The following KCNN2 variants were observed in gnomAD, a reference collection of about 807,000 sequenced individuals.
KCNN2 encodes the protein potassium calcium-activated channel subfamily N member 2.
A neutral mutation model predicts 55.5 loss-of-function variants in KCNN2; 24 were observed. The ratio of observed to expected loss-of-function variants is 0.43; its 90% confidence interval spans 0.31 to 0.61. The LOEUF (loss-of-function observed/expected upper bound fraction) is 0.61, where lower values mean the gene tolerates loss of function less well. Ranked by LOEUF, KCNN2 falls within the 20% of genes least tolerant of loss-of-function variation. KCNN2 has a pLI of 0.08. For synonymous variants in KCNN2, 431 were observed against 336.1 expected (o/e 1.28, Z -3.09); for missense variants, 754 against 853.6 (o/e 0.88, Z 1.45).
rs199676003 is a variant in KCNN2 at position 114,378,011 on chromosome 5, G to A, written c.1218+14010G>A. Among the ~76,000 whole-genome samples, 2 of 152,098 alleles carry A rather than the reference G, an allele frequency of 1.3e-5. 1 individual carries two copies. Among genetic ancestry groups the A allele is most frequent in the East Asian group, 3.9e-4 (2 of 5,182 alleles). On this transcript the variant is annotated intron_variant, in intron 2 of 7. Transcript: ENST00000673685. ...CTAGGAGTATCTCAAGGTGGGAAGGGGGAAAGGCAATAATGCACCCATGTG... is the reference window on the plus strand; with the variant it reads ...CTAGGAGTATCTCAAGGTGGGAAGGAGGAAAGGCAATAATGCACCCATGTG...
chr5:114,382,739 A>G, intron 2 of KCNN2, among the ~76,000 whole-genome samples: 1 of 152,162 alleles, frequency 6.6e-6, no homozygotes, highest in East Asian at 1.9e-4. Context: ...CTTTCTACCA[A>G]AAAACAAATG....
At chr5:114,495,404 T>TC (rs1323968609) in intron 7 of KCNN2, among the ~76,000 whole-genome samples, 1 of 152,210 alleles carries the variant, frequency 6.6e-6, no homozygotes, top group Non-Finnish European at 1.5e-5. Context: ...ATCCTAAACT[T>TC]CATTTATATT....
At chr5:114,373,856 C>T (rs1225186719) in intron 2 of KCNN2, among the ~76,000 whole-genome samples, 1 of 149,296 alleles carries the variant, frequency 6.7e-6, no homozygotes, top group South Asian at 2.1e-4. Context: ...AGTGGCCATT[C>T]AAGCAGTCTT....
chr5:114,463,351 T>G (rs1430217190), intron 4 of KCNN2, among the ~76,000 whole-genome samples, 161 bp downstream of exon 4: 1 of 152,260 alleles, frequency 6.6e-6, no homozygotes, highest in Non-Finnish European at 1.5e-5. Flanking sequence ...GTCAACAGTT[T>G]TCCTCTTAAT....
chr5:114,266,784 G>C (rs1755214941), intron 2 of KCNN2, among the ~76,000 whole-genome samples: 1 of 152,104 alleles, frequency 6.6e-6, no homozygotes, highest in Non-Finnish European at 1.5e-5. Flanking sequence ...TTTAGCTAAT[G>C]TCCCCATCAA....
At position 114,312,534 on chromosome 5, in the gene KCNN2, T is replaced by A. The variant is rs1756427110; in HGVS notation, c.-184-48411T>A. Among the ~76,000 whole-genome samples, 4 of 146,214 alleles carry A rather than the reference T, an allele frequency of 2.7e-5. No individual in the cohort carries two copies. The Admixed American group carries it at 2.8e-4, about 10-fold the overall frequency. On this transcript the variant is annotated intron_variant, in intron 2 of 10. Coordinates refer to the KCNN2 transcript ENST00000512097. ...ACCCCCATATGGTCAAGAACCCAAG[T>A]GTTGCCCTTTTCCAGAACAGTTTAC...
At chr5:114,177,939 C>G (rs1028909740) in intron 1 of KCNN2, among the ~76,000 whole-genome samples, 6 of 152,094 alleles carry the variant, frequency 3.9e-5, no homozygotes, top group African/African-American at 1.4e-4. Flanking sequence ...TATGTTAAGA[C>G]CCAAATTCAG....
intron 3 of KCNN2, among the ~76,000 whole-genome samples, chr5:114,450,494 C>G (rs1403547277): frequency 2.0e-5 from 3 of 152,166 alleles, no homozygotes; most frequent in Non-Finnish European, 4.4e-5. Flanking sequence ...AAATGCTAGT[C>G]CTGGTTAAAA....
intron 1 of KCNN2, among the ~76,000 whole-genome samples, chr5:114,111,406 AG>A (rs1330849911): frequency 6.6e-6 from 1 of 152,230 alleles, no homozygotes; most frequent in Non-Finnish European, 1.5e-5. Context: ...AATCCCATTC[AG>A]GACACAGGCA....
At chr5:114,201,282 T>C (rs4131321) in intron 1 of KCNN2, among the ~76,000 whole-genome samples, 1 of 151,724 alleles carries the variant, frequency 6.6e-6, no homozygotes. Flanking sequence ...ACTAATAATA[T>C]GTGGGTTATT....
chr5:114,452,889 CT>C lies in KCNN2; in HGVS notation c.1638-10158del, dbSNP rs749159103. On this transcript the variant is annotated intron_variant, in intron 3 of 7. Transcript: ENST00000673685. ...TACCTTCTTTGAATTTCTTTTTATG[CT>C]TATATGTTCTAATTAATTGAAGCAG... Among the ~76,000 whole-genome samples, 8 of 152,118 alleles carry C rather than the reference CT, an allele frequency of 5.3e-5. No homozygotes were observed. In the East Asian group the frequency reaches 5.8e-4, roughly 11 times the overall value.
intron 3 of KCNN2, among the ~76,000 whole-genome samples, chr5:114,445,220 A>G (rs375138331): frequency 1.3e-5 from 2 of 152,300 alleles, no homozygotes; most frequent in Admixed American, 1.3e-4. Context: ...ATTTCAGGAT[A>G]AGCACCTTTT....
chr5:114,094,113 G>T (rs1214012024), intron 1 of KCNN2, among the ~76,000 whole-genome samples: 2 of 151,888 alleles, frequency 1.3e-5, no homozygotes, highest in African/African-American at 4.8e-5. Flanking sequence ...TTTTTGTTTT[G>T]CCTTATTTAT....
At chr5:114,189,482 CA>C (rs1344957360) in intron 1 of KCNN2, among the ~76,000 whole-genome samples, 1 of 152,100 alleles carries the variant, frequency 6.6e-6, no homozygotes, top group Non-Finnish European at 1.5e-5. Context: ...TGATCTTGTC[CA>C]AAAACAGCTT....
chr5:114,254,162 G>A (rs1364218722), intron 2 of KCNN2, among the ~76,000 whole-genome samples: 2 of 152,062 alleles, frequency 1.3e-5, no homozygotes, highest in Non-Finnish European at 2.9e-5. Context: ...ATATTGCAAT[G>A]TTTTGCTGTA....
chr5:114,305,426 T>C (rs1032713985), intron 2 of KCNN2, among the ~76,000 whole-genome samples: 16 of 152,270 alleles, frequency 1.1e-4, no homozygotes, highest in African/African-American at 3.8e-4. Flanking sequence ...TTCCTTGGGA[T>C]GTATGTTATC....
chr5:114,203,992 A>C (rs1030026065), intron 1 of KCNN2, among the ~76,000 whole-genome samples: 1 of 152,226 alleles, frequency 6.6e-6, no homozygotes, highest in African/African-American at 2.4e-5. Context: ...TTTCAAGCTT[A>C]AAAGCTCAGC....
At chr5:114,318,998 C>T (rs897171028) in intron 2 of KCNN2, among the ~76,000 whole-genome samples, 9 of 150,828 alleles carry the variant, frequency 6.0e-5, no homozygotes, top group Admixed American at 2.0e-4. Context: ...TGCCACTCTG[C>T]GATTTTATCA....
At chr5:114,123,779 T>C (rs1751874670) in intron 1 of KCNN2, among the ~76,000 whole-genome samples, 1 of 152,226 alleles carries the variant, frequency 6.6e-6, no homozygotes. Context: ...CAGTCTGTTT[T>C]ATTTCTCTTA....
Sources: allele counts gnomAD v4.1 joint callset (sites outside exome capture counted in the v4.1 genomes callset), GRCh38; gene constraint gnomAD v4.1.1; transcripts MANE v1.5; gene names NCBI Gene and HGNC (gene_info 2026-07-23, HGNC 2026-07-21).